Variants in CUX1 observed in about 807,000 individuals in gnomAD.
CUX1 encodes the protein protein CASP.
A neutral mutation model predicts 158.8 loss-of-function variants in CUX1; 31 were observed. The ratio of observed to expected loss-of-function variants is 0.20; its 90% CI spans 0.15 to 0.26. CUX1 has a LOEUF of 0.26. CUX1 is among the 10% of genes least tolerant of loss of function. The pLI, the probability that CUX1 is intolerant of heterozygous loss-of-function variation, is 1.00. For synonymous variants in CUX1, 879 were observed against 862.1 expected, an observed-to-expected ratio of 1.02 and a Z score of -0.34; for missense variants, 1,589 against 2,014.6, an observed-to-expected ratio of 0.79 and a Z score of 4.04.
chr7:101,989,165 C>G (rs1391647111), intron 2 of CUX1, among the ~76,000 whole-genome samples: 2 of 152,044 alleles, frequency 1.3e-5, no homozygotes, highest in East Asian at 3.9e-4. Flanking sequence ...CCTTCCTATT[C>G]CCCCAGCACC....
intron 3 of CUX1, among the ~76,000 whole-genome samples, chr7:102,045,098 T>G (rs1822580841): frequency 6.6e-6 from 1 of 152,180 alleles, no homozygotes; most frequent in Non-Finnish European, 1.5e-5. Context: ...ACACACAGTG[T>G]CTCCCTGTAA....
chr7:101,849,647 G>T (rs1796066800), intron 1 of CUX1, among the ~76,000 whole-genome samples: 1 of 152,044 alleles, frequency 6.6e-6, no homozygotes. Flanking sequence ...ACATACATAT[G>T]CATTTATCTT....
chr7:101,816,253 C>A (rs1791760381), upstream of CUX1, among the ~76,000 whole-genome samples: 1 of 145,276 alleles, frequency 6.9e-6, no homozygotes, highest in Non-Finnish European at 1.5e-5. Context: ...GGCCGAGTCC[C>A]TCCCGCTCCC....
intron 19 of CUX1, 84 bp from the exon 20 acceptor site, chr7:102,205,030 C>G: frequency 1.0e-6 from 1 of 989,474 alleles, no homozygotes. Context: ...TGGGAAGCCT[C>G]CCCGGGCCTT....
At chr7:102,002,339 T>G (rs1585235289) in intron 2 of CUX1, among the ~76,000 whole-genome samples, 1 of 152,278 alleles carries the variant, frequency 6.6e-6, no homozygotes, top group Non-Finnish European at 1.5e-5. Flanking sequence ...TGTGTGTGGT[T>G]GCAACTTTTG....
chr7:101,907,237 C>T (rs569860849), intron 1 of CUX1, among the ~76,000 whole-genome samples: 4 of 152,286 alleles, frequency 2.6e-5, no homozygotes, highest in African/African-American at 4.8e-5. Context: ...TTTTCTGCAG[C>T]GTTACGCAGG....
intron 2 of CUX1, among the ~76,000 whole-genome samples, chr7:101,971,830 A>C (rs1339425447): frequency 6.6e-6 from 1 of 152,206 alleles, no homozygotes; most frequent in African/African-American, 2.4e-5. Context: ...AGCTTAATAG[A>C]AGCAGCATTA....
chr7:102,110,750 T>C (rs1033160723), intron 6 of CUX1, among the ~76,000 whole-genome samples: 2 of 152,232 alleles, frequency 1.3e-5, no homozygotes, highest in African/African-American at 4.8e-5. Flanking sequence ...TTTGCTATAG[T>C]ATGTTACATA....
chr7:102,246,076 A>G (rs1304394693), intron 23 of CUX1, among the ~76,000 whole-genome samples: 2 of 152,302 alleles, frequency 1.3e-5, no homozygotes, highest in Non-Finnish European at 2.9e-5. Flanking sequence ...TAAGCACCTT[A>G]GCCAGATATC....
At chr7:102,277,935 C>A in intron 17 of CUX1, 2 of 1,259,554 alleles carry the variant, frequency 1.6e-6, no homozygotes, top group Non-Finnish European at 1.1e-6. Flanking sequence ...CTTTCCTTGC[C>A]CCTCCCCCCC....
chr7:102,019,455 C>G (rs1819079557), intron 2 of CUX1, among the ~76,000 whole-genome samples: 1 of 152,102 alleles, frequency 6.6e-6, no homozygotes, highest in African/African-American at 2.4e-5. Flanking sequence ...GAACTCCTGC[C>G]CTCATGTGAT....
chr7:102,239,359 A>T lies in CUX1; in HGVS notation c.3662A>T (p.Gln1221Leu). 3.1e-6 allele frequency: 5 copies of T among 1,612,044 alleles called. No individual in the cohort carries two copies. Among genetic ancestry groups the T allele is most frequent in the Non-Finnish European group, 4.2e-6 (5 of 1,179,248 alleles). ...KRRHSSVSDS[Q>L]PCEPPSVGTE... Reference sequence around the variant, plus strand: ...CGGCACAGCTCAGTCAGTGACAGCCAGCCCTGCGAACCGCCCTCTGTCGGC... The same window carrying T: ...CGGCACAGCTCAGTCAGTGACAGCCTGCCCTGCGAACCGCCCTCTGTCGGC... The change falls in exon 23 of 24, where the codon CAG (glutamine) becomes CTG (leucine). Residue 1221 changes from glutamine to leucine, a missense_variant. Physicochemically the swap from Gln to Leu is moderately radical, Grantham distance 113. This residue lies in a region of CUX1 where 259 missense variants were observed against 373.8 expected (regional missense o/e 0.69). Transcript: ENST00000292535.
intron 2 of CUX1, among the ~76,000 whole-genome samples, chr7:101,947,921 TATTGCTTA>T (rs1259800941): frequency 1.3e-5 from 2 of 152,224 alleles, no homozygotes; most frequent in Non-Finnish European, 2.9e-5. Flanking sequence ...TCCTGAGGAC[TATTGCTTA>T]CGGAATTAAT....
Position 101,838,458 on chromosome 7 carries a change from T to C in CUX1, c.30+20789T>C, listed in dbSNP as rs1044373645. Among the ~76,000 whole-genome samples, 3 of 151,438 alleles carry C rather than the reference T, an allele frequency of 2.0e-5. No individual in the cohort carries two copies. In the South Asian group the frequency reaches 6.3e-4, roughly 32 times the overall value. On this transcript the variant is annotated intron_variant, in intron 1 of 23. Coordinates refer to ENST00000292535, the MANE Select transcript of CUX1 (RefSeq NM_181552.4). ...CTCACCACAATTTTTGAGATCTTGTTGTCTATGTCATTCCCTGTGAATTTT... is the reference window on the plus strand; with the variant it reads ...CTCACCACAATTTTTGAGATCTTGTCGTCTATGTCATTCCCTGTGAATTTT...
intron 2 of CUX1, chr7:101,932,747 A>G (rs968086879): frequency 2.6e-6 from 1 of 388,730 alleles, no homozygotes; most frequent in Non-Finnish European, 5.2e-6. Flanking sequence ...TGCCGCCATC[A>G]AGAAAAAATA....
In CUX1 at chr7:101,968,879, A is replaced by G. The variant is rs112249928; in HGVS notation, c.141+52654A>G. Among the ~76,000 whole-genome samples, 10 of 152,232 alleles carry G rather than the reference A, an allele frequency of 6.6e-5. 1 individual carries two copies. The highest frequency in any genetic ancestry group is 2.4e-4 in the African/African-American group (10 of 41,536). On this transcript the variant is annotated intron_variant, in intron 2 of 23. Transcript: ENST00000292535. ...GATCAGCTCTGTGGCCTTGGGCAGG[A>G]CACGGGGCTCCCTGAACTCCTCTCT... is the stretch of plus-strand genomic sequence containing the variant.
intron 3 of CUX1, among the ~76,000 whole-genome samples, chr7:102,048,100 G>A (rs962785316): frequency 3.6e-4 from 55 of 152,096 alleles, no homozygotes; most frequent in African/African-American, 1.3e-3. Flanking sequence ...CTCACCCTTC[G>A]ACACCACCCT....
intron 4 of CUX1, among the ~76,000 whole-genome samples, chr7:102,075,045 G>T: frequency 6.6e-6 from 1 of 152,106 alleles, no homozygotes. Flanking sequence ...TTTTAGTAGA[G>T]ATGAGTTTTC....
intron 2 of CUX1, among the ~76,000 whole-genome samples, chr7:101,980,465 T>C (rs1813290120): frequency 6.6e-6 from 1 of 152,172 alleles, no homozygotes; most frequent in Admixed American, 6.5e-5. Flanking sequence ...GCTGTGATTG[T>C]GTCACTGCAG....
Sources: gnomAD v4.1 joint callset for allele counts (sites outside exome capture counted in the v4.1 genomes callset) on GRCh38, gnomAD v4.1.1 for gene constraint, gnomAD v4.1.1 regional missense constraint, MANE v1.5 for transcripts, NCBI Gene and HGNC (gene_info 2026-07-23, HGNC 2026-07-21) for gene names.